ABCA1: variants seen among roughly 807,000 people sequenced by gnomAD.
ABCA1 encodes ATP binding cassette subfamily A member 1, also known as phospholipid-transporting ATPase ABCA1.
In ABCA1, 133 loss-of-function variants were observed where a neutral mutation model predicts 262.5. The observed-to-expected ratio is 0.51, with a 90% confidence interval of 0.44 to 0.59. The LOEUF (loss-of-function observed/expected upper bound fraction) is 0.59. Ranked by LOEUF, ABCA1 falls within the 20% of genes least tolerant of loss-of-function variation. The probability of loss-of-function intolerance (pLI) is 0.00; values close to 1 mark genes in which losing one functional copy is unlikely to be tolerated. For missense variants in ABCA1, 2,452 were observed against 2,777.5 expected (o/e 0.88, Z 2.63); for synonymous variants, 1,022 against 1,043.5 (o/e 0.98, Z 0.40).
intron 5 of ABCA1, among the ~76,000 whole-genome samples, chr9:104,874,075 G>A (rs979610578): frequency 3.9e-5 from 6 of 152,104 alleles, no homozygotes; most frequent in Admixed American, 6.5e-5. Context: ...TGGAGCTCAC[G>A]TCTTTTTGAT....
chr9:104,837,261 G>T (rs1476551439), intron 10 of ABCA1, among the ~76,000 whole-genome samples, 165 bp from the exon 11 acceptor site: 1 of 152,198 alleles, frequency 6.6e-6, no homozygotes, highest in Admixed American at 6.5e-5. Context: ...ACCCACGACT[G>T]GGGAGCTGGC....
chr9:104,799,963 T>C lies in ABCA1; in HGVS notation c.4799A>G (p.His1600Arg). 3 of 1,614,176 alleles carry C rather than the reference T, an allele frequency of 1.9e-6. No homozygotes were observed. The highest frequency in any genetic ancestry group is 2.5e-6 in the Non-Finnish European group (3 of 1,180,032). Residue 1600 changes from histidine (H) to arginine (R), a missense_variant, in exon 36 of 50, where the codon CAT becomes CGT. By Grantham distance (29) the His-to-Arg change is conservative. Around this residue, in one of 4 missense-constraint regions of ABCA1, gnomAD observed 752 missense variants for 944.5 expected, o/e 0.80. Transcript: ENST00000374736. ...VKVWFNNKGW[H>R]AISSFLNVIN... ...GACATTCAGGAAAGAGCTGATTGCA[T>C]GCCAGCCCTTGTTATTGAACCACAC...
At chr9:104,917,042 T>C (rs2118514759) in intron 1 of ABCA1, among the ~76,000 whole-genome samples, 1 of 152,306 alleles carries the variant, frequency 6.6e-6, no homozygotes, top group South Asian at 2.1e-4. Context: ...CTGGGACACT[T>C]TGGCAACTTA....
At chr9:104,906,483 C>T (rs1053555781) in intron 1 of ABCA1, among the ~76,000 whole-genome samples, 2 of 152,078 alleles carry the variant, frequency 1.3e-5, no homozygotes, top group Non-Finnish European at 2.9e-5. Flanking sequence ...TAAGAAGTAG[C>T]ATAGAGCCAC....
chr9:104,871,722 G>A (rs1008414690), intron 5 of ABCA1, among the ~76,000 whole-genome samples: 3 of 152,060 alleles, frequency 2.0e-5, no homozygotes, highest in Non-Finnish European at 4.4e-5. Flanking sequence ...GAAGACAAAA[G>A]GAGTGAAAAG....
intron 5 of ABCA1, among the ~76,000 whole-genome samples, chr9:104,872,922 T>TAGAC (rs1837757571): frequency 6.6e-6 from 1 of 152,276 alleles, no homozygotes; most frequent in Non-Finnish European, 1.5e-5. Flanking sequence ...TTTCTATTCT[T>TAGAC]GTCTGAGTAA....
intron 7 of ABCA1, among the ~76,000 whole-genome samples, chr9:104,847,645 C>G (rs1835010806): frequency 6.6e-6 from 1 of 152,188 alleles, no homozygotes. Context: ...AGAGCTAGAG[C>G]TATCATCACA....
At chr9:104,859,155 A>G (rs1324281754) in intron 6 of ABCA1, among the ~76,000 whole-genome samples, 1 of 152,274 alleles carries the variant, frequency 6.6e-6, no homozygotes. Flanking sequence ...GTAAGTGTAG[A>G]TATTTAACTA....
intron 3 of ABCA1, among the ~76,000 whole-genome samples, chr9:104,885,298 C>G (rs891855909): frequency 2.0e-5 from 3 of 152,170 alleles, no homozygotes; most frequent in African/African-American, 7.2e-5. Flanking sequence ...GCAAAGTCAG[C>G]TGGCGTGACT....
chr9:104,806,106 G>T, intron 31 of ABCA1, 135 bp downstream of exon 31: 1 of 931,718 alleles, frequency 1.1e-6, no homozygotes, highest in Admixed American at 2.7e-5. Flanking sequence ...CTCCGCCTCA[G>T]AAAAAAAAAC....
intron 17 of ABCA1, 47 bp downstream of exon 17, chr9:104,825,636 A>G (rs1832748663): frequency 6.3e-7 from 1 of 1,578,344 alleles, no homozygotes; most frequent in South Asian, 1.1e-5. Context: ...AAGAAAGGAC[A>G]TCAGCTAGAA....
At chr9:104,905,071 C>T (rs1222540632) in intron 1 of ABCA1, among the ~76,000 whole-genome samples, 1 of 152,198 alleles carries the variant, frequency 6.6e-6, no homozygotes, top group Non-Finnish European at 1.5e-5. Context: ...GGAGGACACA[C>T]AGGTGAAAAT....
intron 8 of ABCA1, among the ~76,000 whole-genome samples, chr9:104,841,273 T>TA (rs941264924): frequency 7.2e-5 from 11 of 151,800 alleles, no homozygotes; most frequent in Middle Eastern, 3.4e-3. Context: ...CCATCTCTAC[T>TA]AAAAAAATAC....
At chr9:104,871,300 G>C (rs1459533739) in intron 5 of ABCA1, among the ~76,000 whole-genome samples, 1 of 152,172 alleles carries the variant, frequency 6.6e-6, no homozygotes, top group Non-Finnish European at 1.5e-5. Flanking sequence ...AATTTCTATT[G>C]TGTATAAATT....
chr9:104,846,014 G>A (rs1402631583), intron 7 of ABCA1, among the ~76,000 whole-genome samples: 1 of 152,176 alleles, frequency 6.6e-6, no homozygotes, highest in Non-Finnish European at 1.5e-5. Flanking sequence ...ATGGAATTCT[G>A]TCACTCTGTT....
intron 7 of ABCA1, among the ~76,000 whole-genome samples, chr9:104,857,491 G>A (rs539363697): frequency 6.6e-5 from 10 of 152,224 alleles, no homozygotes; most frequent in Non-Finnish European, 1.0e-4. Flanking sequence ...CGTGGCATCC[G>A]AAAGTGGTGG....
chr9:104,832,156 C>T (rs1206917604), intron 12 of ABCA1, among the ~76,000 whole-genome samples: 2 of 152,176 alleles, frequency 1.3e-5, no homozygotes, highest in Non-Finnish European at 2.9e-5. Flanking sequence ...CAGACCAAAA[C>T]ACCTCTTACC....
At chr9:104,812,140 A>G (rs1178226537) in intron 28 of ABCA1, among the ~76,000 whole-genome samples, 1 of 152,194 alleles carries the variant, frequency 6.6e-6, no homozygotes, top group Non-Finnish European at 1.5e-5. Flanking sequence ...TCATGTTTCT[A>G]ATAAATTCAC....
intron 24 of ABCA1, among the ~76,000 whole-genome samples, chr9:104,816,883 A>C (rs945819169): frequency 2.0e-5 from 3 of 152,178 alleles, no homozygotes; most frequent in African/African-American, 7.2e-5. Flanking sequence ...CAGAGATAGC[A>C]AGGGTCAAGA....
Sources: gnomAD v4.1 joint callset for allele counts (sites outside exome capture counted in the v4.1 genomes callset) on GRCh38, gnomAD v4.1.1 for gene constraint, gnomAD v4.1.1 regional missense constraint, MANE v1.5 for transcripts, NCBI Gene and HGNC (gene_info 2026-07-23, HGNC 2026-07-21) for gene names.